Variants in TMEM132D observed in about 807,000 individuals in gnomAD.
TMEM132D encodes transmembrane protein 132D.
A neutral mutation model predicts 62.3 loss-of-function variants in TMEM132D; 21 were observed. That is an observed-to-expected ratio of 0.34 (90% CI 0.24 to 0.49). The LOEUF (loss-of-function observed/expected upper bound fraction) is 0.49. Ranked by LOEUF, TMEM132D falls within the 20% of genes least tolerant of loss-of-function variation. The pLI is 0.99. For synonymous variants in TMEM132D, 621 were observed against 575.6 expected (o/e 1.08, Z -1.13); for missense variants, 1,346 against 1,402.8 (o/e 0.96, Z 0.65).
intron 1 of TMEM132D, among the ~76,000 whole-genome samples, chr12:129,794,158 G>C (rs541757770): frequency 6.7e-6 from 1 of 149,074 alleles, no homozygotes; most frequent in Non-Finnish European, 1.5e-5. Flanking sequence ...GTGCAACCTC[G>C]GCTCACAGCA....
At chr12:129,490,581 C>T (rs1399012022) in intron 3 of TMEM132D, among the ~76,000 whole-genome samples, 2 of 146,878 alleles carry the variant, frequency 1.4e-5, no homozygotes, top group South Asian at 2.2e-4. Flanking sequence ...GGCGCCCGCC[C>T]ACCACGCCCG....
chr12:129,816,459 T>C (rs1193463653), intron 1 of TMEM132D, among the ~76,000 whole-genome samples: 1 of 152,198 alleles, frequency 6.6e-6, no homozygotes, highest in Non-Finnish European at 1.5e-5. Context: ...GCCTATTTAT[T>C]GCAAAAGGCC....
At chr12:129,775,615 G>A (rs867137529) in intron 1 of TMEM132D, among the ~76,000 whole-genome samples, 1 of 152,182 alleles carries the variant, frequency 6.6e-6, no homozygotes, top group African/African-American at 2.4e-5. Flanking sequence ...GAAGGGATGC[G>A]AGAAGATAAA....
chr12:129,116,481 T>G (rs1875892278), intron 5 of TMEM132D, among the ~76,000 whole-genome samples: 1 of 151,330 alleles, frequency 6.6e-6, no homozygotes, highest in African/African-American at 2.4e-5. Context: ...GAAACAATAG[T>G]TGCAAACACA....
At chr12:129,098,276 G>C (rs1402335742) in intron 5 of TMEM132D, among the ~76,000 whole-genome samples, 1 of 152,200 alleles carries the variant, frequency 6.6e-6, no homozygotes, top group Non-Finnish European at 1.5e-5. Context: ...TGACAAAGGA[G>C]TAAAGGCAAC....
chr12:129,138,503 A>C (rs1401603013), intron 5 of TMEM132D, among the ~76,000 whole-genome samples: 2 of 152,178 alleles, frequency 1.3e-5, no homozygotes, highest in Non-Finnish European at 2.9e-5. Flanking sequence ...GGATCACCTG[A>C]GGTCAGGAGT....
At chr12:129,479,038 T>C (rs571374428) in intron 3 of TMEM132D, among the ~76,000 whole-genome samples, 7 of 152,228 alleles carry the variant, frequency 4.6e-5, no homozygotes. Context: ...GGACTTCTAG[T>C]GCATGATTTT....
At chr12:129,536,882 C>A (rs139728436) in intron 2 of TMEM132D, among the ~76,000 whole-genome samples, 2 of 152,066 alleles carry the variant, frequency 1.3e-5, no homozygotes, top group East Asian at 3.9e-4. Flanking sequence ...TGCGGCCGGG[C>A]GCGGTAGCTC....
intron 1 of TMEM132D, among the ~76,000 whole-genome samples, chr12:129,806,811 A>G (rs1872002295): frequency 6.6e-6 from 1 of 152,196 alleles, no homozygotes; most frequent in Admixed American, 6.5e-5. Context: ...GCATTGCTTG[A>G]GCCCAGGCGT....
intron 3 of TMEM132D, among the ~76,000 whole-genome samples, chr12:129,360,127 G>C (rs1390400739): frequency 1.3e-5 from 2 of 152,222 alleles, no homozygotes; most frequent in East Asian, 3.9e-4. Context: ...CATGCTGCAG[G>C]ACACCTGTCA....
chr12:129,416,186 G>T (rs1236132345), intron 3 of TMEM132D, among the ~76,000 whole-genome samples: 2 of 152,208 alleles, frequency 1.3e-5, no homozygotes, highest in South Asian at 4.1e-4. Flanking sequence ...TCCTATCCAT[G>T]AGCATGGAAT....
intron 1 of TMEM132D, among the ~76,000 whole-genome samples, chr12:129,805,708 A>C (rs1214180081): frequency 7.3e-5 from 11 of 151,700 alleles, no homozygotes; most frequent in South Asian, 2.1e-4. Flanking sequence ...TAATTAAACT[A>C]AAGAGCTTCT....
At chr12:129,237,047 G>GAAA (rs1168891947) in intron 4 of TMEM132D, among the ~76,000 whole-genome samples, 2 of 152,012 alleles carry the variant, frequency 1.3e-5, no homozygotes, top group Non-Finnish European at 2.9e-5. Flanking sequence ...TGCATATGTT[G>GAAA]AAACATCTTT....
intron 1 of TMEM132D, among the ~76,000 whole-genome samples, chr12:129,736,056 T>A (rs1032370172): frequency 2.6e-5 from 4 of 152,230 alleles, no homozygotes; most frequent in Non-Finnish European, 5.9e-5. Context: ...CTCCCTGCAC[T>A]GAGAATGTAC....
intron 1 of TMEM132D, among the ~76,000 whole-genome samples, chr12:129,863,136 C>G (rs1032405557): frequency 1.3e-5 from 2 of 152,144 alleles, no homozygotes; most frequent in East Asian, 3.9e-4. Context: ...ACATTAAAGT[C>G]ACTATAATTT....
intron 2 of TMEM132D, among the ~76,000 whole-genome samples, chr12:129,633,856 C>G (rs1879412107): frequency 6.6e-6 from 1 of 152,124 alleles, no homozygotes; most frequent in Non-Finnish European, 1.5e-5. Flanking sequence ...GAGCCTTTTG[C>G]TCCTGAAACT....
At chr12:129,261,831 T>C (rs1456588681) in intron 4 of TMEM132D, among the ~76,000 whole-genome samples, 2 of 152,204 alleles carry the variant, frequency 1.3e-5, no homozygotes, top group Non-Finnish European at 2.9e-5. Context: ...ATTACCTCAT[T>C]AAAGTCCCTA....
intron 8 of TMEM132D, among the ~76,000 whole-genome samples, chr12:129,077,357 C>G (rs543886693): frequency 2.6e-5 from 4 of 152,190 alleles, no homozygotes; most frequent in Admixed American, 2.0e-4. Flanking sequence ...GAGGATGATC[C>G]CTTTTCATGG....
chr12:129,629,856 C>A (rs1381403037), intron 2 of TMEM132D, among the ~76,000 whole-genome samples: 1 of 152,146 alleles, frequency 6.6e-6, no homozygotes, highest in African/African-American at 2.4e-5. Flanking sequence ...TGATTTATAT[C>A]TTTAAAGTAG....
Sources: allele counts gnomAD v4.1 joint callset (sites outside exome capture counted in the v4.1 genomes callset), GRCh38; gene constraint gnomAD v4.1.1; transcripts MANE v1.5; gene names NCBI Gene and HGNC (gene_info 2026-07-23, HGNC 2026-07-21).